Variants in AK5 observed in about 807,000 individuals in gnomAD.
AK5 encodes adenylate kinase isoenzyme 5.
A neutral mutation model predicts 69.5 loss-of-function variants in AK5; 27 were observed. That is an observed-to-expected ratio of 0.39 (90% confidence interval 0.29 to 0.54). AK5 has a LOEUF of 0.54. AK5 is among the 20% of genes least tolerant of loss of function. The pLI is 0.71. For missense variants in AK5, 531 were observed against 700.4 expected (o/e 0.76, Z 2.73); for synonymous variants, 260 against 244.4 (o/e 1.06, Z -0.60).
At chr1:77,287,375 TG>T (rs1300452509) in intron 2 of AK5, among the ~76,000 whole-genome samples, 3 of 152,232 alleles carry the variant, frequency 2.0e-5, no homozygotes, top group African/African-American at 7.2e-5. Flanking sequence ...TTTATTATTT[TG>T]CAAAATAAAT....
At chr1:77,432,630 G>T (rs1399390178) in intron 8 of AK5, among the ~76,000 whole-genome samples, 4 of 152,176 alleles carry the variant, frequency 2.6e-5, no homozygotes, top group African/African-American at 9.7e-5. Context: ...TGACCATTGA[G>T]AATTAGATGA....
intron 8 of AK5, among the ~76,000 whole-genome samples, chr1:77,429,070 G>A (rs910686950): frequency 3.9e-5 from 6 of 152,198 alleles, no homozygotes; most frequent in Admixed American, 3.3e-4. Flanking sequence ...ATGTGTGTGT[G>A]TGTGTCTTTA....
At position 77,460,539 on chromosome 1, in the gene AK5, G is replaced by A. The variant is rs544897100; in HGVS notation, c.1060-22778G>A. The stretch of plus-strand genomic sequence containing the variant: ...TGAGAATGCTCTATATTTCAAATTC[G>A]TTTAAAATGATTCAGAAGGACAATC... On this transcript the variant is annotated intron_variant, in intron 8 of 13. Coordinates refer to ENST00000354567, the MANE Select transcript of AK5 (RefSeq NM_174858.3). Among the ~76,000 whole-genome samples the A allele has an allele frequency of 1.2e-4, 19 of 152,176 alleles. No individual in the cohort carries two copies. The South Asian group carries it at 2.5e-3, about 20-fold the overall frequency.
chr1:77,467,802 C>T (rs938913444), intron 8 of AK5, among the ~76,000 whole-genome samples: 9 of 152,278 alleles, frequency 5.9e-5, no homozygotes, highest in South Asian at 2.1e-4. Context: ...TGAATTCATA[C>T]GGTATATCTG....
chr1:77,533,013 T>G (rs1658735867), intron 12 of AK5, among the ~76,000 whole-genome samples: 1 of 152,186 alleles, frequency 6.6e-6, no homozygotes, highest in African/African-American at 2.4e-5. Context: ...CATTGAAACA[T>G]TTCAAAAAAT....
chr1:77,359,970 G>A (rs1054552436), intron 6 of AK5, among the ~76,000 whole-genome samples: 3 of 152,124 alleles, frequency 2.0e-5, no homozygotes, highest in African/African-American at 4.8e-5. Flanking sequence ...AGATAGATTG[G>A]TAAGGGACCA....
intron 6 of AK5, among the ~76,000 whole-genome samples, chr1:77,398,526 A>C (rs1045390300): frequency 2.7e-5 from 4 of 147,072 alleles, no homozygotes; most frequent in Admixed American, 2.7e-4. Context: ...GAGAGAAGAG[A>C]AAATAGAAAG....
At chr1:77,365,263 T>C (rs1050547851) in intron 6 of AK5, among the ~76,000 whole-genome samples, 3 of 152,194 alleles carry the variant, frequency 2.0e-5, no homozygotes, top group Admixed American at 6.6e-5. Context: ...TTCTGGATCT[T>C]AATCTCCTGT....
chr1:77,298,963 C>T (rs1421354217), intron 5 of AK5, among the ~76,000 whole-genome samples: 1 of 152,146 alleles, frequency 6.6e-6, no homozygotes, highest in Non-Finnish European at 1.5e-5. Context: ...AATAGGAGTA[C>T]TGTTAGGTTT....
At chr1:77,368,215 CTATATA>C (rs1172723260) in intron 6 of AK5, among the ~76,000 whole-genome samples, 592 of 28,136 alleles carry the variant, frequency 0.021, 13 homozygotes, top group African/African-American at 0.054. Flanking sequence ...AGTAGAGATA[CTATATA>C]TATATATATA....
intron 10 of AK5, among the ~76,000 whole-genome samples, chr1:77,502,991 G>C (rs555387517): frequency 6.6e-6 from 1 of 152,354 alleles, no homozygotes; most frequent in South Asian, 2.1e-4. Context: ...CTCCCCAGCA[G>C]AGGAGATGGT....
intron 5 of AK5, among the ~76,000 whole-genome samples, chr1:77,329,071 A>T (rs1356675789): frequency 6.6e-6 from 1 of 152,088 alleles, no homozygotes; most frequent in African/African-American, 2.4e-5. Flanking sequence ...AATGGCAACT[A>T]AATTGCCAAC....
intron 8 of AK5, among the ~76,000 whole-genome samples, chr1:77,419,979 G>A (rs1570538637): frequency 6.6e-6 from 1 of 152,192 alleles, no homozygotes; most frequent in South Asian, 2.1e-4. Context: ...CACCGACTGT[G>A]TGCCAGTTTC....
At chr1:77,539,662 T>C (rs887011546) in intron 13 of AK5, among the ~76,000 whole-genome samples, 9 of 152,194 alleles carry the variant, frequency 5.9e-5, no homozygotes, top group African/African-American at 1.9e-4. Flanking sequence ...GACAGGATTG[T>C]TTGCCGCTGG....
intron 10 of AK5, among the ~76,000 whole-genome samples, chr1:77,492,901 G>A (rs373546266): frequency 6.6e-6 from 1 of 152,242 alleles, no homozygotes; most frequent in South Asian, 2.1e-4. Context: ...AACCTGCAAG[G>A]TGGGAGAATG....
At position 77,283,052 on chromosome 1, in the gene AK5, G is replaced by A. The variant is rs974105925; in HGVS notation, c.60+679G>A. 66 of 985,680 alleles carry A rather than the reference G, an allele frequency of 6.7e-5. No individual in the cohort carries two copies. In the Middle Eastern group the frequency reaches 2.1e-3, roughly 31 times the overall value. 61.1% of individuals were successfully genotyped at this position (985,680 alleles called of 1,614,324 possible). On this transcript the variant is annotated intron_variant, in intron 1 of 13. Transcript: ENST00000354567. ...ACCCACCTGGAGATAGCGGGTCGGG[G>A]AGGGAGCTGCGAGGGGGGCGGACTC...
At chr1:77,501,337 C>G (rs554395384) in intron 10 of AK5, among the ~76,000 whole-genome samples, 4 of 152,320 alleles carry the variant, frequency 2.6e-5, no homozygotes, top group African/African-American at 9.6e-5. Flanking sequence ...ACGAATTCTC[C>G]CATATACAGT....
At chr1:77,408,390 T>A (rs2100564005) in intron 6 of AK5, among the ~76,000 whole-genome samples, 1 of 152,338 alleles carries the variant, frequency 6.6e-6, no homozygotes, top group East Asian at 1.9e-4. Context: ...TTAATGATGT[T>A]GAGCATTTTT....
chr1:77,416,082 A>G (rs1451233714), intron 7 of AK5, among the ~76,000 whole-genome samples: 1 of 152,108 alleles, frequency 6.6e-6, no homozygotes, highest in Non-Finnish European at 1.5e-5. Context: ...CTGCCTCACA[A>G]CATAAGTGCA....
Sources: gnomAD v4.1 joint callset for allele counts (sites outside exome capture counted in the v4.1 genomes callset) on GRCh38, gnomAD v4.1.1 for gene constraint, MANE v1.5 for transcripts, NCBI Gene and HGNC (gene_info 2026-07-23, HGNC 2026-07-21) for gene names.